Variants in COL10A1 observed in about 807,000 individuals in gnomAD.
The protein encoded by COL10A1 is collagen type X alpha 1 chain.
In COL10A1, 10 loss-of-function variants were observed where a neutral mutation model predicts 18.2. The ratio of observed to expected loss-of-function variants is 0.55; its 90% confidence interval spans 0.34 to 0.93. COL10A1 has a LOEUF of 0.93. Among genes scored for constraint, COL10A1 ranks in the 40% least tolerant of loss-of-function variants. The probability of loss-of-function intolerance (pLI) is 0.02; values close to 1 mark genes in which losing one functional copy is unlikely to be tolerated. For synonymous variants in COL10A1, 330 were observed against 316.6 expected (o/e 1.04, Z -0.45); for missense variants, 897 against 853.5 (o/e 1.05, Z -0.64).
At chr6:116,209,705 A>G in the COL10A1 span, among the ~76,000 whole-genome samples, 1 of 151,764 alleles carries the variant, frequency 6.6e-6, no homozygotes, top group African/African-American at 2.4e-5. Flanking sequence ...TTTTTTTCCT[A>G]TCTCAGTGGA....
At chr6:116,144,993 A>G (rs537033561) in intron 1 of COL10A1, among the ~76,000 whole-genome samples, 27 of 152,344 alleles carry the variant, frequency 1.8e-4, no homozygotes, top group African/African-American at 6.0e-4. Context: ...GGGTTCAATT[A>G]GAGAATGTAT....
At chr6:116,153,658 T>A (rs1205868243) in intron 1 of COL10A1, among the ~76,000 whole-genome samples, 1 of 152,150 alleles carries the variant, frequency 6.6e-6, no homozygotes. Flanking sequence ...ATAAAATTGC[T>A]ATTGTTGTCA....
In COL10A1 at chr6:116,141,849, GTC is replaced by G. The variant is rs200362734; in HGVS notation, c.-15-16344_-15-16343del. Among the ~76,000 whole-genome samples the G allele has an allele frequency of 3.2e-3, 472 of 146,742 alleles. 5 individuals carry two copies. The highest frequency in any genetic ancestry group is 0.011 in the African/African-American group (434 of 39,040). The stretch of plus-strand genomic sequence containing the variant: ...TAATTACTGAAAATCCTTACATAGA[GTC>G]TTATTTCAGTAAAAGATTTTCTGCC... On this transcript the variant is annotated intron_variant, in intron 1 of 1. Transcript: ENST00000418500.
At chr6:116,125,539 C>T (rs760042533) in intron 1 of COL10A1, 32 bp from the exon 2 acceptor site, 3 of 1,590,108 alleles carry the variant, frequency 1.9e-6, no homozygotes, top group Admixed American at 1.7e-5. Context: ...CTTTATACAG[C>T]ATTGTTATTA....
chr6:116,205,235 A>G, the COL10A1 span, among the ~76,000 whole-genome samples: 1 of 151,944 alleles, frequency 6.6e-6, no homozygotes, highest in African/African-American at 2.4e-5. Context: ...TAGAACAACA[A>G]CAAAATAAGC....
chr6:116,177,695 C>T, the COL10A1 span, among the ~76,000 whole-genome samples: 1 of 152,108 alleles, frequency 6.6e-6, no homozygotes, highest in Admixed American at 6.6e-5. Flanking sequence ...AAAATACCAT[C>T]AGCTCTCTTA....
intron 1 of COL10A1, among the ~76,000 whole-genome samples, chr6:116,155,289 G>A (rs73772298): frequency 6.6e-6 from 1 of 152,204 alleles, no homozygotes; most frequent in African/African-American, 2.4e-5. Flanking sequence ...AGATATCTGG[G>A]ATAATCTGAG....
chr6:116,121,164 C>A lies in COL10A1; in HGVS notation c.952G>T (p.Gly318Cys). 4 of 1,613,106 alleles carry A rather than the reference C, an allele frequency of 2.5e-6. No individual in the cohort carries two copies. Among genetic ancestry groups the A allele is most frequent in the Non-Finnish European group, 3.4e-6 (4 of 1,179,568 alleles). ...CCTTGTTCCCCTTTGGCACCTGGAC[C>A]CCCAGGAAGGCCAGCAGGTCCTCTT... ...GERGPAGLPG[G>C]PGAKGEQGPA... The change falls in exon 3 of 3, where the codon GGT becomes TGT. Residue 318 changes from glycine (G) to cysteine (C), a missense_variant. Physicochemically the swap from Gly to Cys is radical, Grantham distance 159. Coordinates refer to ENST00000651968, the MANE Select transcript of COL10A1 (RefSeq NM_000493.4).
the COL10A1 span, among the ~76,000 whole-genome samples, chr6:116,188,809 A>T: frequency 6.6e-6 from 1 of 151,384 alleles, no homozygotes; most frequent in South Asian, 2.1e-4. Context: ...TGTATGTTTT[A>T]TAATTTTTAA....
chr6:116,196,631 T>TAAAC, the COL10A1 span, among the ~76,000 whole-genome samples: 4 of 152,058 alleles, frequency 2.6e-5, no homozygotes, highest in Non-Finnish European at 5.9e-5. Context: ...GAGGAGTAGC[T>TAAAC]TCATTACACT....
the COL10A1 span, among the ~76,000 whole-genome samples, chr6:116,186,537 C>T: frequency 2.0e-5 from 3 of 151,906 alleles, no homozygotes; most frequent in South Asian, 4.1e-4. Context: ...GGTCATTTAA[C>T]ATAATCCCAA....
At chr6:116,141,535 C>T (rs1779763670) in intron 1 of COL10A1, among the ~76,000 whole-genome samples, 1 of 151,956 alleles carries the variant, frequency 6.6e-6, no homozygotes. Context: ...AAACGTGGCA[C>T]CCTTGTGAAT....
rs1779147586 is a variant in COL10A1, at chr6:116,122,024, C to A, written c.155-63G>T. On this transcript the variant is annotated intron_variant, in intron 2 of 2. Transcript: ENST00000651968. Reference sequence around the variant, plus strand: ...GATGGTTAGTGACATTAAAGAGAATCATTGCCTTTCAAACTATGAATTGGG... The same window carrying A: ...GATGGTTAGTGACATTAAAGAGAATAATTGCCTTTCAAACTATGAATTGGG... The A allele has an allele frequency of 2.9e-6, 4 of 1,380,950 alleles. No homozygotes were observed. The East Asian group carries it at 9.1e-5, about 32-fold the overall frequency. The allele number at this position is 1,380,950 out of a possible 1,614,324, so 85.5% of individuals were successfully genotyped here.
At chr6:116,216,183 T>C in the COL10A1 span, among the ~76,000 whole-genome samples, 1 of 152,124 alleles carries the variant, frequency 6.6e-6, no homozygotes, top group Admixed American at 6.6e-5. Flanking sequence ...TATTTGTTGA[T>C]TACCTAACAT....
intron 1 of COL10A1, among the ~76,000 whole-genome samples, chr6:116,146,429 GT>G (rs535206441): frequency 6.8e-4 from 103 of 152,240 alleles, no homozygotes; most frequent in African/African-American, 2.3e-3. Context: ...ATGACAATAA[GT>G]AAATAACTGG....
At chr6:116,167,451 A>G in the COL10A1 span, among the ~76,000 whole-genome samples, 2 of 151,994 alleles carry the variant, frequency 1.3e-5, no homozygotes, top group African/African-American at 2.4e-5. Context: ...TGGCCTTGTG[A>G]TCCACTTGCC....
chr6:116,192,791 T>C, the COL10A1 span, among the ~76,000 whole-genome samples: 1 of 151,776 alleles, frequency 6.6e-6, no homozygotes, highest in East Asian at 1.9e-4. Context: ...TCTATTACGA[T>C]TTCCTCCTGG....
intron 1 of COL10A1, among the ~76,000 whole-genome samples, chr6:116,135,966 T>C (rs1016368859): frequency 6.6e-6 from 1 of 151,256 alleles, no homozygotes; most frequent in African/African-American, 2.4e-5. Flanking sequence ...CCTACTCTTT[T>C]AGCGTATTTT....
In COL10A1 at chr6:116,125,386, G is replaced by A. The variant is rs778850616; in HGVS notation, c.107C>T (p.Pro36Leu). The A allele has an allele frequency of 4.3e-6, 7 of 1,613,778 alleles. No homozygotes were observed. In the South Asian group the frequency reaches 7.7e-5, roughly 18 times the overall value. Residue 36 changes from proline to leucine, a missense_variant, in exon 2 of 3, where the codon CCC becomes CTC. Transcript: ENST00000651968. The stretch of plus-strand genomic sequence containing the variant: ...AATGAAGAACTGTGTCTTGGTGTTG[G>A]GTAGTGGGCCTTTTATGCCTGTGGG... The part of the protein sequence containing the change: ...QMPTGIKGPL[P>L]NTKTQFFIPY...
Sources: gnomAD v4.1 joint callset for allele counts (sites outside exome capture counted in the v4.1 genomes callset) on GRCh38, gnomAD v4.1.1 for gene constraint, MANE v1.5 for transcripts, NCBI Gene and HGNC (gene_info 2026-07-23, HGNC 2026-07-21) for gene names.